AFG1L: variants seen among roughly 807,000 people sequenced by gnomAD.
AFG1L encodes the protein AFG1-like ATPase.
A neutral mutation model predicts 62.2 loss-of-function variants in AFG1L; 53 were observed. The ratio of observed to expected loss-of-function variants is 0.85; its 90% confidence interval spans 0.68 to 1.07. The LOEUF is 1.07. AFG1L is among the 50% of genes least tolerant of loss of function. The pLI is 0.00. For missense variants in AFG1L, 555 were observed against 590.5 expected (o/e 0.94, Z 0.62); for synonymous variants, 228 against 210.3 (o/e 1.08, Z -0.73).
intron 6 of AFG1L, among the ~76,000 whole-genome samples, chr6:108,395,438 T>A (rs1041359886): frequency 1.4e-5 from 2 of 146,308 alleles, no homozygotes; most frequent in African/African-American, 5.0e-5. Flanking sequence ...TGTCTCACTC[T>A]GCACCCAGGC....
chr6:108,347,191 G>T (rs1295273796), intron 3 of AFG1L, 152 bp downstream of exon 3: 24 of 648,570 alleles, frequency 3.7e-5, no homozygotes, highest in South Asian at 2.8e-4. Flanking sequence ...AGGGAGAGAG[G>T]GCAGTTATCT....
Position 108,324,015 on chromosome 6 carries a change from A to G in AFG1L, c.330A>G (p.Gly110=), listed in dbSNP as rs1192149052. 6.2e-7 allele frequency: 1 copy of G among 1,613,680 alleles called. No individual in the cohort carries two copies. The change falls in exon 2 of 13, where the codon GGA becomes GGG. Residue 110 remains glycine (G), a synonymous_variant. Transcript: ENST00000368977. ...CLQKLHEDLK[G]YNIEAEGLFS... ...AGAAATTACACGAGGACCTTAAAGG[A>G]TACAATATAGAGGCAGAAGGCCTTT...
intron 2 of AFG1L, among the ~76,000 whole-genome samples, chr6:108,341,965 C>T (rs1778700295): frequency 6.6e-6 from 1 of 152,124 alleles, no homozygotes; most frequent in Admixed American, 6.5e-5. Flanking sequence ...AAACAATTCA[C>T]AGCAGATGTT....
intron 6 of AFG1L, among the ~76,000 whole-genome samples, chr6:108,396,326 A>G (rs1303602777): frequency 4.6e-5 from 7 of 152,206 alleles, no homozygotes; most frequent in Admixed American, 3.3e-4. Flanking sequence ...GTGTATAAAT[A>G]TACCTACACT....
Position 108,381,435 on chromosome 6 carries a change from C to T in AFG1L, c.748+15103C>T, listed in dbSNP as rs546938719. Among the ~76,000 whole-genome samples, 9 of 151,770 alleles carry T rather than the reference C, an allele frequency of 5.9e-5. No homozygotes were observed. In the East Asian group the frequency reaches 1.7e-3, roughly 29 times the overall value. On this transcript the variant is annotated intron_variant, in intron 6 of 12. Coordinates refer to ENST00000368977, the MANE Select transcript of AFG1L (RefSeq NM_145315.5). ...TAGTGTCAGGACCTGGGTGCATTTG[C>T]ACATGTCTGTCATCCTAGCTACTTG...
chr6:108,367,857 A>G (rs1779823074), intron 6 of AFG1L, among the ~76,000 whole-genome samples: 2 of 152,236 alleles, frequency 1.3e-5, no homozygotes, highest in South Asian at 4.1e-4. Context: ...AAGTGCTGCT[A>G]CAAGCTGAAA....
intron 11 of AFG1L, among the ~76,000 whole-genome samples, chr6:108,517,853 A>C (rs1055861470): frequency 6.6e-6 from 1 of 152,252 alleles, no homozygotes; most frequent in African/African-American, 2.4e-5. Context: ...GGATATGAAC[A>C]GACACTTCTC....
chr6:108,369,445 T>C (rs977640425), intron 6 of AFG1L, among the ~76,000 whole-genome samples: 5 of 152,164 alleles, frequency 3.3e-5, no homozygotes, highest in Non-Finnish European at 7.4e-5. Flanking sequence ...CTTTTTGCCT[T>C]ATGGTCATCA....
chr6:108,388,523 A>C (rs569143601), intron 6 of AFG1L, among the ~76,000 whole-genome samples: 3 of 152,266 alleles, frequency 2.0e-5, no homozygotes, highest in East Asian at 1.9e-4. Context: ...TAGTGCTATA[A>C]ATTTCCCTCT....
chr6:108,495,425 G>A (rs1773937703), intron 10 of AFG1L, among the ~76,000 whole-genome samples: 1 of 152,204 alleles, frequency 6.6e-6, no homozygotes, highest in Non-Finnish European at 1.5e-5. Context: ...AATGGTAGCA[G>A]AGCAGAGCAT....
chr6:108,308,724 G>A (rs1308072011), intron 1 of AFG1L, among the ~76,000 whole-genome samples: 4 of 151,538 alleles, frequency 2.6e-5, no homozygotes, highest in African/African-American at 9.7e-5. Context: ...TTTATTTTGA[G>A]ACAGAGTCTC....
At chr6:108,373,240 C>A (rs1008807490) in intron 6 of AFG1L, among the ~76,000 whole-genome samples, 1 of 152,080 alleles carries the variant, frequency 6.6e-6, no homozygotes, top group Non-Finnish European at 1.5e-5. Context: ...ATCTTTATGT[C>A]CATGAGTACC....
chr6:108,390,407 G>A (rs758963213), intron 6 of AFG1L, among the ~76,000 whole-genome samples: 26 of 152,206 alleles, frequency 1.7e-4, no homozygotes, highest in Non-Finnish European at 2.9e-4. Context: ...ACCGTTGCTA[G>A]CGAGGAGCTG....
intron 2 of AFG1L, among the ~76,000 whole-genome samples, chr6:108,328,689 C>T (rs1439825789): frequency 2.0e-5 from 3 of 152,074 alleles, no homozygotes; most frequent in Non-Finnish European, 4.4e-5. Flanking sequence ...TATCCCTCCT[C>T]CCTACTCTAT....
chr6:108,344,231 G>C (rs558195812), intron 2 of AFG1L, among the ~76,000 whole-genome samples: 1 of 152,204 alleles, frequency 6.6e-6, no homozygotes, highest in South Asian at 2.1e-4. Context: ...TCCCACCTCA[G>C]CCTCCCAAGT....
At chr6:108,325,366 G>C (rs1325144208) in intron 2 of AFG1L, among the ~76,000 whole-genome samples, 1 of 151,360 alleles carries the variant, frequency 6.6e-6, no homozygotes, top group Non-Finnish European at 1.5e-5. Context: ...GGCACACCAT[G>C]GCACTCTACC....
At chr6:108,472,525 T>C (rs1297485534) in intron 8 of AFG1L, among the ~76,000 whole-genome samples, 1 of 152,200 alleles carries the variant, frequency 6.6e-6, no homozygotes, top group Non-Finnish European at 1.5e-5. Flanking sequence ...TAAAATATTT[T>C]TTTAAACGAA....
chr6:108,313,144 AT>A (rs1488363022), intron 1 of AFG1L, among the ~76,000 whole-genome samples: 9 of 152,168 alleles, frequency 5.9e-5, no homozygotes, highest in African/African-American at 1.7e-4. Flanking sequence ...CGTTATCATG[AT>A]TTAGAGCTGA....
At chr6:108,462,043 C>T (rs538910629) in intron 8 of AFG1L, among the ~76,000 whole-genome samples, 2 of 151,620 alleles carry the variant, frequency 1.3e-5, no homozygotes, top group Admixed American at 1.3e-4. Flanking sequence ...TGCAGTGAGC[C>T]GAGATTGTAC....
Sources: allele counts gnomAD v4.1 joint callset (sites outside exome capture counted in the v4.1 genomes callset), GRCh38; gene constraint gnomAD v4.1.1; transcripts MANE v1.5; gene names NCBI Gene and HGNC (gene_info 2026-07-23, HGNC 2026-07-21).